Variants in SAMD12 observed in about 807,000 individuals in gnomAD.
The protein encoded by SAMD12 is sterile alpha motif domain containing 12.
A neutral mutation model predicts 15.0 loss-of-function variants in SAMD12; 9 were observed. That is an observed-to-expected ratio of 0.60 (90% CI 0.36 to 1.05). The LOEUF (loss-of-function observed/expected upper bound fraction) is 1.05. SAMD12 is among the 50% of genes least tolerant of loss of function. The pLI is 0.01. For synonymous variants in SAMD12, 86 were observed against 90.1 expected (o/e 0.96, Z 0.25); for missense variants, 230 against 234.2 (o/e 0.98, Z 0.12).
chr8:118,569,303 C>CTA (rs769994508), intron 2 of SAMD12, among the ~76,000 whole-genome samples: 1 of 151,960 alleles, frequency 6.6e-6, no homozygotes, highest in Non-Finnish European at 1.5e-5. Context: ...TGCCTTCAGG[C>CTA]TATATATATA....
chr8:118,483,075 G>C (rs1343029053), intron 2 of SAMD12, among the ~76,000 whole-genome samples: 1 of 152,182 alleles, frequency 6.6e-6, no homozygotes, highest in African/African-American at 2.4e-5. Flanking sequence ...ATATAATCAT[G>C]CTAGCTTTAT....
chr8:118,353,818 A>G (rs1313194867), intron 4 of SAMD12, among the ~76,000 whole-genome samples: 1 of 151,352 alleles, frequency 6.6e-6, no homozygotes, highest in Non-Finnish European at 1.5e-5. Flanking sequence ...CTTGCCCTCT[A>G]GCTTCTGGAT....
intron 2 of SAMD12, among the ~76,000 whole-genome samples, chr8:118,565,564 C>T (rs1382768878): frequency 6.6e-6 from 1 of 152,206 alleles, no homozygotes; most frequent in Non-Finnish European, 1.5e-5. Context: ...GCACACACCT[C>T]GTGTGACAAG....
exon 5 of SAMD12, chr8:118,197,086 A>G (rs1819586475): frequency 6.6e-6 from 1 of 152,378 alleles, no homozygotes; most frequent in Non-Finnish European, 1.5e-5. Flanking sequence ...AGCCGGAAAA[A>G]AAAAAACCAC....
At chr8:118,178,083 G>A in the SAMD12 span, among the ~76,000 whole-genome samples, 1 of 152,168 alleles carries the variant, frequency 6.6e-6, no homozygotes, top group Non-Finnish European at 1.5e-5. Context: ...GTATATTTGG[G>A]TAATTCCATG....
chr8:118,323,847 A>G (rs1384365418), intron 4 of SAMD12, among the ~76,000 whole-genome samples: 1 of 152,158 alleles, frequency 6.6e-6, no homozygotes, highest in Non-Finnish European at 1.5e-5. Flanking sequence ...TCTGTACAAC[A>G]CAACATCACT....
At chr8:118,318,647 T>A (rs1343606543) in intron 4 of SAMD12, among the ~76,000 whole-genome samples, 3 of 152,034 alleles carry the variant, frequency 2.0e-5, no homozygotes, top group Non-Finnish European at 4.4e-5. Flanking sequence ...CATTAAAGTC[T>A]CAGAATTCAC....
the SAMD12 span, among the ~76,000 whole-genome samples, chr8:118,166,756 T>C: frequency 1.3e-5 from 2 of 152,236 alleles, no homozygotes; most frequent in Admixed American, 1.3e-4. Flanking sequence ...CTCAACCGAC[T>C]ACAGATATTA....
intron 4 of SAMD12, among the ~76,000 whole-genome samples, chr8:118,283,590 T>C (rs1044736584): frequency 6.6e-6 from 1 of 152,146 alleles, no homozygotes; most frequent in African/African-American, 2.4e-5. Context: ...CTGAACTAAT[T>C]TGCAAGATAA....
At chr8:118,314,156 T>C (rs1815764171) in intron 4 of SAMD12, among the ~76,000 whole-genome samples, 1 of 152,164 alleles carries the variant, frequency 6.6e-6, no homozygotes, top group African/African-American at 2.4e-5. Context: ...CTGTATCTGC[T>C]AAACTATTTT....
chr8:118,225,473 G>T (rs2129892195), intron 4 of SAMD12, among the ~76,000 whole-genome samples: 1 of 152,288 alleles, frequency 6.6e-6, no homozygotes. Flanking sequence ...CTCCTAGAAA[G>T]GATCTGGGAG....
chr8:118,484,487 TA>T (rs1824222519), intron 2 of SAMD12, among the ~76,000 whole-genome samples: 2 of 152,248 alleles, frequency 1.3e-5, no homozygotes, highest in African/African-American at 4.8e-5. Context: ...AACTGGGAGG[TA>T]TGTTTATGGC....
chr8:118,222,784 T>C (rs759790442), intron 4 of SAMD12, among the ~76,000 whole-genome samples: 33 of 151,982 alleles, frequency 2.2e-4, no homozygotes, highest in Non-Finnish European at 4.1e-4. Flanking sequence ...GGATTACAAG[T>C]GTGAGCCACG....
At chr8:118,187,417 G>T (rs566149498), downstream of SAMD12, among the ~76,000 whole-genome samples, 1 of 152,010 alleles carries the variant, frequency 6.6e-6, no homozygotes, top group Admixed American at 6.6e-5. Flanking sequence ...CTCAACCAGC[G>T]CCAGCTCTTG....
intron 4 of SAMD12, among the ~76,000 whole-genome samples, chr8:118,278,220 A>T (rs1190134359): frequency 1.3e-5 from 2 of 152,210 alleles, no homozygotes; most frequent in Admixed American, 1.3e-4. Flanking sequence ...GTTGGTTCAC[A>T]TAGTAAATCT....
At chr8:118,242,832 A>T (rs553445433) in intron 4 of SAMD12, among the ~76,000 whole-genome samples, 2 of 152,318 alleles carry the variant, frequency 1.3e-5, no homozygotes, top group East Asian at 3.9e-4. Flanking sequence ...ATTATCAGAA[A>T]ATGCACATTA....
intron 2 of SAMD12, among the ~76,000 whole-genome samples, chr8:118,556,383 A>G (rs1373692950): frequency 1.3e-5 from 2 of 152,174 alleles, no homozygotes. Flanking sequence ...GGCATTCTTC[A>G]TGACTCATGA....
chr8:118,190,787 T>C (rs921903142), exon 5 of SAMD12: 5 of 152,212 alleles, frequency 3.3e-5, no homozygotes, highest in African/African-American at 1.2e-4. Context: ...GAGCACCCCA[T>C]ACTGAAGAGC....
intron 3 of SAMD12, among the ~76,000 whole-genome samples, chr8:118,424,840 A>T (rs1822171948): frequency 6.6e-6 from 1 of 152,064 alleles, no homozygotes; most frequent in East Asian, 1.9e-4. Context: ...TACTTAGCTG[A>T]TTGCCTCTAA....
Sources: allele counts gnomAD v4.1 joint callset (sites outside exome capture counted in the v4.1 genomes callset), GRCh38; gene constraint gnomAD v4.1.1; transcripts MANE v1.5; gene names NCBI Gene and HGNC (gene_info 2026-07-23, HGNC 2026-07-21).